The following NOX5 variants were observed in gnomAD, a reference collection of about 807,000 sequenced individuals.
The protein encoded by NOX5 is NADPH oxidase 5.
NOX5 carries 76 observed loss-of-function variants against 85.7 expected under a neutral mutation model. The observed-to-expected ratio is 0.89, with a 90% confidence interval of 0.74 to 1.07. The LOEUF (loss-of-function observed/expected upper bound fraction) is 1.07, where lower values mean the gene tolerates loss of function less well. Among genes scored for constraint, NOX5 ranks in the 50% least tolerant of loss-of-function variants. The pLI, the probability that NOX5 is intolerant of heterozygous loss-of-function variation, is 0.00. For synonymous variants in NOX5, 405 were observed against 401.4 expected, an observed-to-expected ratio of 1.01 and a Z score of -0.11; for missense variants, 973 against 999.5, an observed-to-expected ratio of 0.97 and a Z score of 0.36.
At chr15:69,023,863 AT>A in intron 1 of NOX5, 1 of 176,432 alleles carries the variant, frequency 5.7e-6, no homozygotes. Flanking sequence ...TCTCTTTTGT[AT>A]TTATAATGGT....
Position 69,031,639 on chromosome 15 carries a change from G to A in NOX5, c.447G>A (p.Val149=). The change falls in exon 4 of 16, where the codon GTG becomes GTA. Residue 149 remains valine, a synonymous_variant. Transcript: ENST00000388866. ...TTGACCCGGATGAGCTGCGCACTGT[G>A]CTGCAGTCGTGTCTGCGCGAGAGCG... ...GSIDPDELRT[V]LQSCLRESAI... 6.2e-7 allele frequency: 1 copy of A among 1,613,354 alleles called. No homozygotes were observed. The highest frequency in any genetic ancestry group is 8.5e-7 in the Non-Finnish European group (1 of 1,180,002).
At chr15:69,040,598 A>T (rs1221818783) in intron 9 of NOX5, among the ~76,000 whole-genome samples, 1 of 152,188 alleles carries the variant, frequency 6.6e-6, no homozygotes, top group Admixed American at 6.5e-5. Context: ...TGTGGATACT[A>T]ATATGGTTAT....
At chr15:69,024,074 A>C (rs2050327098) in intron 1 of NOX5, 1 of 153,794 alleles carries the variant, frequency 6.5e-6, no homozygotes, top group South Asian at 2.0e-4. Flanking sequence ...ACCAGCCATC[A>C]ATGTCTTACC....
At chr15:69,021,885 T>C (rs922194280) in intron 1 of NOX5, among the ~76,000 whole-genome samples, 7 of 152,252 alleles carry the variant, frequency 4.6e-5, no homozygotes, top group African/African-American at 1.4e-4. Flanking sequence ...GCATAAATGA[T>C]GTGCCATAAT....
At chr15:69,018,882 T>C (rs2140244577) in intron 1 of NOX5, among the ~76,000 whole-genome samples, 1 of 152,196 alleles carries the variant, frequency 6.6e-6, no homozygotes, top group South Asian at 2.1e-4. Context: ...TATTATGTTA[T>C]AAGGGATGGG....
Position 69,014,796 on chromosome 15 carries a change from C to T in NOX5, c.50+11C>T, listed in dbSNP as rs917742147. The T allele has an allele frequency of 2.0e-6, 3 of 1,538,288 alleles. No individual in the cohort carries two copies. Among genetic ancestry groups the T allele is most frequent in the African/African-American group, 2.7e-5 (2 of 72,790 alleles). Reference sequence around the variant, plus strand: ...TGAAGGCTGTAGAGGGTGAGTGGCTCATTTGTCCAGCTTTCCATGCCAGGG... The same window carrying T: ...TGAAGGCTGTAGAGGGTGAGTGGCTTATTTGTCCAGCTTTCCATGCCAGGG... On this transcript the variant is annotated intron_variant, in intron 1 of 15. Coordinates refer to ENST00000388866, the MANE Select transcript of NOX5 (RefSeq NM_024505.4).
chr15:69,042,711 T>C lies in NOX5; in HGVS notation c.1553T>C (p.Leu518Pro). Residue 518 changes from leucine to proline, a missense_variant, in exon 10 of 16, where the codon CTG (leucine) becomes CCG (proline). Transcript: ENST00000388866. Reference protein sequence around the residue: ...IRSQGQWTNRLYESFKASDPL... With the variant: ...IRSQGQWTNRPYESFKASDPL... ...TCCCAAGGCCAGTGGACAAACAGGC[T>C]GTATGAGTCCTTCAAGGCATCAGAC... 3.7e-6 allele frequency: 6 copies of C among 1,614,086 alleles called. No homozygotes were observed. Among genetic ancestry groups the C allele is most frequent in the Non-Finnish European group, 5.1e-6 (6 of 1,180,016 alleles).
chr15:69,030,612 T>G (rs2050415822), intron 3 of NOX5: 1 of 152,222 alleles, frequency 6.6e-6, no homozygotes, highest in Non-Finnish European at 1.5e-5. Context: ...CCTGCTGTCA[T>G]CTTGGCTGTT....
At chr15:69,036,931 GCACT>G in intron 7 of NOX5, 93 bp from the exon 8 acceptor site, 1 of 953,410 alleles carries the variant, frequency 1.0e-6, no homozygotes, top group South Asian at 1.5e-5. Context: ...AAGGCTCTGA[GCACT>G]GCCCTGGCTT....
Position 69,047,830 on chromosome 15 carries a change from G to C in NOX5, c.1818G>C (p.Arg606Ser). 5 of 1,613,972 alleles carry C rather than the reference G, an allele frequency of 3.1e-6. No homozygotes were observed. Among genetic ancestry groups the C allele is most frequent in the Non-Finnish European group, 4.2e-6 (5 of 1,179,980 alleles). ...FASILQSIMYRHQKRKHTCPS... is the reference protein window; with the variant it reads ...FASILQSIMYSHQKRKHTCPS... ...ACCCCTTCCTCCTGCCTCCCCTCAGGCACCAGAAAAGAAAGCATACTTGCC... is the reference window on the plus strand; with the variant it reads ...ACCCCTTCCTCCTGCCTCCCCTCAGCCACCAGAAAAGAAAGCATACTTGCC... The change falls in exon 13 of 16, where the codon AGG (arginine) becomes AGC (serine). Residue 606 changes from arginine to serine, a missense_variant and splice_region_variant. Arg to Ser is a moderately radical substitution (Grantham distance 110, BLOSUM62 -1). Transcript: ENST00000388866.
At position 69,031,601 on chromosome 15, in the gene NOX5, G is replaced by A; in HGVS notation, c.409G>A (p.Gly137Ser). 1 of 1,613,296 alleles carries A rather than the reference G, an allele frequency of 6.2e-7. No homozygotes were observed. The highest frequency in any genetic ancestry group is 8.5e-7 in the Non-Finnish European group (1 of 1,180,042). Residue 137 changes from glycine (G) to serine (S), a missense_variant, in exon 4 of 16, where the codon GGC becomes AGC. Coordinates refer to ENST00000388866, the MANE Select transcript of NOX5 (RefSeq NM_024505.4). The stretch of plus-strand genomic sequence containing the variant: ...CTGGGCTTCATCCCCACTCGGGACA[G>A]GCAGTGGCTCCATTGACCCGGATGA... Reference protein sequence around the residue: ...PHWASSPLGTGSGSIDPDELR... With the variant: ...PHWASSPLGTSSGSIDPDELR...
At chr15:69,054,155 C>T (rs2050782156) in intron 14 of NOX5, among the ~76,000 whole-genome samples, 1 of 151,964 alleles carries the variant, frequency 6.6e-6, no homozygotes, top group African/African-American at 2.4e-5. Flanking sequence ...CTGGCTTGAA[C>T]CGACGCTCAA....
rs35193954 is a variant in NOX5, at chr15:69,027,088, C to T, written c.174+437C>T. Among the ~76,000 whole-genome samples the T allele has an allele frequency of 6.7e-3, 1,019 of 152,172 alleles. 18 individuals are homozygous for T. Among genetic ancestry groups the T allele is most frequent in the African/African-American group, 0.023 (953 of 41,496 alleles). ...CTGACACACAGAGGAGACATCAGCACGGAAGGGAGGACTGAGTCTGAAATG... is the reference window on the plus strand; with the variant it reads ...CTGACACACAGAGGAGACATCAGCATGGAAGGGAGGACTGAGTCTGAAATG... On this transcript the variant is annotated intron_variant, in intron 2 of 15. Transcript: ENST00000388866.
At position 69,056,831 on chromosome 15, in the gene NOX5, C is replaced by A; in HGVS notation, c.*135C>A. ...AGCCTAGGGACCCCCTAATCCTGCTCAACAGAGAGAACAGGAGACCCCAAG... is the reference window on the plus strand; with the variant it reads ...AGCCTAGGGACCCCCTAATCCTGCTAAACAGAGAGAACAGGAGACCCCAAG... On this transcript the variant is annotated 3_prime_UTR_variant, in exon 16 of 16. Coordinates refer to ENST00000388866, the MANE Select transcript of NOX5 (RefSeq NM_024505.4). The A allele has an allele frequency of 8.8e-7, 1 of 1,131,360 alleles. No individual in the cohort carries two copies. The highest frequency in any genetic ancestry group is 1.2e-6 in the Non-Finnish European group (1 of 817,810). 70.1% of individuals were successfully genotyped at this position (1,131,360 alleles called of 1,614,324 possible). A position where few individuals can be genotyped will look rare whatever the true frequency, so the allele number is the denominator to read the frequency against.
chr15:69,042,134 T>A (rs939574245), intron 9 of NOX5, among the ~76,000 whole-genome samples: 7 of 151,498 alleles, frequency 4.6e-5, no homozygotes, highest in African/African-American at 1.5e-4. Flanking sequence ...CTCCTCACTC[T>A]GATGTTGTGG....
At chr15:69,024,518 G>A (rs1398204161) in intron 1 of NOX5, among the ~76,000 whole-genome samples, 1 of 152,020 alleles carries the variant, frequency 6.6e-6, no homozygotes. Flanking sequence ...TCGGTTATCA[G>A]ATCCACAGAT....
chr15:69,024,747 T>C (rs2650977), intron 1 of NOX5, among the ~76,000 whole-genome samples: 74,009 of 152,010 alleles, frequency 0.49, 19,082 homozygotes, highest in Non-Finnish European at 0.59. Flanking sequence ...TTGCTACTAT[T>C]TGCAGTTTCA....
In NOX5 at chr15:69,031,653, T is replaced by G. The variant is rs1434145644; in HGVS notation, c.461T>G (p.Leu154Arg). The G allele has an allele frequency of 6.2e-6, 10 of 1,613,254 alleles. No individual in the cohort carries two copies. The highest frequency in any genetic ancestry group is 8.5e-6 in the Non-Finnish European group (10 of 1,179,956). ...CTGCGCACTGTGCTGCAGTCGTGTC[T>G]GCGCGAGAGCGCCATCTCGCTGCCT... ...DELRTVLQSC[L>R]RESAISLPDE... The change falls in exon 4 of 16, where the codon CTG becomes CGG. Residue 154 changes from leucine to arginine, a missense_variant. Coordinates refer to ENST00000388866, the MANE Select transcript of NOX5 (RefSeq NM_024505.4).
Position 69,047,478 on chromosome 15 carries a change from C to T in NOX5, c.1758C>T (p.Leu586=). 2 of 1,614,060 alleles carry T rather than the reference C, an allele frequency of 1.2e-6. No individual in the cohort carries two copies. Among genetic ancestry groups the T allele is most frequent in the African/African-American group, 2.7e-5 (2 of 75,044 alleles). Residue 586 remains leucine, a synonymous_variant, in exon 12 of 16, where the codon CTC becomes CTT. Coordinates refer to ENST00000388866, the MANE Select transcript of NOX5 (RefSeq NM_024505.4). ...RRIFASEHAV[L]IGAGIGITPF... is the part of the protein sequence containing the mutation. Reference sequence around the variant, plus strand: ...TCTTTGCCTCTGAGCATGCCGTGCTCATCGGGGCAGGCATCGGCATCACCC... The same window carrying T: ...TCTTTGCCTCTGAGCATGCCGTGCTTATCGGGGCAGGCATCGGCATCACCC...
Sources: allele counts gnomAD v4.1 joint callset (sites outside exome capture counted in the v4.1 genomes callset), GRCh38; gene constraint gnomAD v4.1.1; transcripts MANE v1.5; gene names NCBI Gene and HGNC (gene_info 2026-07-23, HGNC 2026-07-21).